The following LIN52 variants were observed in gnomAD, a reference collection of about 807,000 sequenced individuals.
LIN52 encodes the protein lin-52 DREAM MuvB core complex component.
Under a neutral mutation model 18.5 loss-of-function variants are expected in LIN52, and 4 were observed. The observed-to-expected ratio is 0.22, with a 90% CI of 0.11 to 0.49. LIN52 has a LOEUF of 0.49. LIN52 is among the 20% of genes least tolerant of loss of function. The probability of loss-of-function intolerance (pLI) is 0.97; values close to 1 mark genes in which losing one functional copy is unlikely to be tolerated. For synonymous variants in LIN52, 34 were observed against 45.5 expected (o/e 0.75, Z 1.02); for missense variants, 102 against 139.5 (o/e 0.73, Z 1.35).
At chr14:74,138,033 G>A (rs1025415869) in intron 5 of LIN52, among the ~76,000 whole-genome samples, 2 of 152,020 alleles carry the variant, frequency 1.3e-5, no homozygotes, top group South Asian at 2.1e-4. Flanking sequence ...TAATATTTTT[G>A]AAACACAAAT....
intron 5 of LIN52, among the ~76,000 whole-genome samples, chr14:74,142,623 A>G (rs968539137): frequency 4.6e-5 from 7 of 151,718 alleles, no homozygotes; most frequent in African/African-American, 7.3e-5. Context: ...CTCAGTAGCC[A>G]TGTGTCGCTA....
intron 5 of LIN52, among the ~76,000 whole-genome samples, chr14:74,185,309 C>CTTTTTTTTTTTTTTTTTTTTTTTTTTTTT (rs71115969): frequency 2.5e-5 from 2 of 78,786 alleles, no homozygotes; most frequent in Non-Finnish European, 4.4e-5. Context: ...ATAATGATTT[C>CTTTTTTTTTTTTTTTTTTTTTTTTTTTTT]TTTTTTTTTT....
chr14:74,155,635 G>T (rs910061156), intron 5 of LIN52, among the ~76,000 whole-genome samples: 1 of 152,192 alleles, frequency 6.6e-6, no homozygotes, highest in East Asian at 1.9e-4. Flanking sequence ...AGACTCCGTC[G>T]TAGTAGAAAA....
chr14:74,165,475 A>C (rs1447241050), intron 5 of LIN52, among the ~76,000 whole-genome samples: 3 of 150,310 alleles, frequency 2.0e-5, no homozygotes, highest in African/African-American at 4.9e-5. Flanking sequence ...AGTGATTGCC[A>C]TGGGAAGGAG....
chr14:74,194,181 A>C (rs981707214), intron 5 of LIN52, among the ~76,000 whole-genome samples: 2 of 152,188 alleles, frequency 1.3e-5, no homozygotes, highest in African/African-American at 4.8e-5. Context: ...TTCTGCACCC[A>C]ATCTCGTTAA....
intron 5 of LIN52, among the ~76,000 whole-genome samples, chr14:74,141,069 G>A (rs2061127878): frequency 6.6e-6 from 1 of 152,102 alleles, no homozygotes. Flanking sequence ...GTGGTTTCTG[G>A]AGGAAACCAC....
rs2060851832 is a variant in LIN52, at chr14:74,101,192, G to T, written c.237G>T (p.Lys79Asn). Residue 79 changes from lysine to asparagine, a missense_variant, in exon 5 of 6, where the codon AAG becomes AAT. By Grantham distance (94) the Lys-to-Asn change is moderately conservative. Coordinates refer to ENST00000555028, the MANE Select transcript of LIN52 (RefSeq NM_001024674.3). ...GSLTTANLME[K>N]VRGLQNLAYQ... is the part of the protein sequence containing the mutation. The stretch of plus-strand genomic sequence containing the variant: ...TCACCACGGCTAATTTGATGGAGAA[G>T]GTTCGAGGCCTACAGAACCTAGCCT... 3 of 1,611,008 alleles carry T rather than the reference G, an allele frequency of 1.9e-6. No homozygotes were observed. The highest frequency in any genetic ancestry group is 2.5e-6 in the Non-Finnish European group (3 of 1,179,056).
At chr14:74,136,299 T>C (rs1272235943) in intron 5 of LIN52, among the ~76,000 whole-genome samples, 2 of 152,226 alleles carry the variant, frequency 1.3e-5, no homozygotes, top group Non-Finnish European at 2.9e-5. Context: ...AGCACAGGTT[T>C]GGACCAAGTT....
intron 1 of LIN52, among the ~76,000 whole-genome samples, chr14:74,088,820 A>G (rs531203060): frequency 6.6e-6 from 1 of 152,234 alleles, no homozygotes; most frequent in African/African-American, 2.4e-5. Flanking sequence ...CTAGTTATGC[A>G]ACTGGTTAGC....
intron 4 of LIN52, among the ~76,000 whole-genome samples, chr14:74,100,725 C>T (rs1406575527): frequency 6.6e-6 from 1 of 152,170 alleles, no homozygotes; most frequent in Non-Finnish European, 1.5e-5. Context: ...ATCTGCCCGC[C>T]TTGGCCTCCC....
chr14:74,180,460 T>C (rs11159068), intron 5 of LIN52, among the ~76,000 whole-genome samples: 91,043 of 151,136 alleles, frequency 0.6, 28,485 homozygotes, highest in Admixed American at 0.68. Flanking sequence ...TTAGTAGAGA[T>C]GGGGTTTCAC....
rs8013357 is a variant in LIN52 at position 74,107,460 on chromosome 14, G to C, written c.283+6222G>C. 1.3e-4 allele frequency among the ~76,000 whole-genome samples: 19 copies of C among 151,924 alleles called. No individual in the cohort carries two copies. In the South Asian group the frequency reaches 3.7e-3, roughly 30 times the overall value. The stretch of plus-strand genomic sequence containing the variant: ...TGCTATTCCTTTTTCTCGGTAAGCT[G>C]TCCTTCTATCAGCTTTCCCTTTTCA... On this transcript the variant is annotated intron_variant, in intron 5 of 5. Transcript: ENST00000555028.
At chr14:74,186,828 C>T (rs1425974477) in intron 5 of LIN52, among the ~76,000 whole-genome samples, 1 of 152,152 alleles carries the variant, frequency 6.6e-6, no homozygotes, top group South Asian at 2.1e-4. Context: ...CCTGTAATCC[C>T]AGTACTTTGG....
intron 2 of LIN52, among the ~76,000 whole-genome samples, chr14:74,094,439 G>C (rs1022747869): frequency 6.6e-6 from 1 of 151,632 alleles, no homozygotes; most frequent in Non-Finnish European, 1.5e-5. Context: ...AAAAAATTTT[G>C]GGGGGGACAA....
At chr14:74,162,778 C>A (rs954259514) in intron 5 of LIN52, among the ~76,000 whole-genome samples, 4 of 152,060 alleles carry the variant, frequency 2.6e-5, no homozygotes, top group African/African-American at 9.7e-5. Context: ...CCCAACTTTT[C>A]TCTTTTTAAC....
At chr14:74,094,901 G>C (rs903175334) in intron 2 of LIN52, among the ~76,000 whole-genome samples, 2 of 151,392 alleles carry the variant, frequency 1.3e-5, no homozygotes, top group African/African-American at 2.4e-5. Context: ...CTAATCTTTT[G>C]TATTTTAGTA....
intron 5 of LIN52, among the ~76,000 whole-genome samples, chr14:74,180,262 ATTTTT>A (rs5809652): frequency 1.7e-5 from 2 of 119,770 alleles, no homozygotes; most frequent in Admixed American, 9.3e-5. Context: ...GGGAGGAGGA[ATTTTT>A]TTTTTTTTTT....
intron 1 of LIN52, among the ~76,000 whole-genome samples, chr14:74,089,346 AT>A: frequency 6.6e-6 from 1 of 151,134 alleles, no homozygotes; most frequent in Non-Finnish European, 1.5e-5. Context: ...TTTGAAGATA[AT>A]TAGGTTTAAA....
intron 5 of LIN52, among the ~76,000 whole-genome samples, chr14:74,146,392 A>C (rs1169748368): frequency 6.6e-6 from 1 of 152,040 alleles, no homozygotes; most frequent in Non-Finnish European, 1.5e-5. Context: ...GAGTACTGTT[A>C]GGGAATCTCG....
Sources: allele counts gnomAD v4.1 joint callset (sites outside exome capture counted in the v4.1 genomes callset), GRCh38; gene constraint gnomAD v4.1.1; transcripts MANE v1.5; gene names NCBI Gene and HGNC (gene_info 2026-07-23, HGNC 2026-07-21).